LRRC42: variants seen among roughly 807,000 people sequenced by gnomAD.
LRRC42 encodes leucine rich repeat containing 42.
LRRC42 carries 43 observed loss-of-function variants against 44.3 expected under a neutral mutation model. The observed-to-expected ratio is 0.97, with a 90% confidence interval of 0.76 to 1.25. The LOEUF is 1.25. Ranked by LOEUF, LRRC42 falls within the 50% of genes most tolerant of loss-of-function variation. The pLI is 0.00. For missense variants in LRRC42, 540 were observed against 509.1 expected, an observed-to-expected ratio of 1.06 and a Z score of -0.58; for synonymous variants, 207 against 195.2, an observed-to-expected ratio of 1.06 and a Z score of -0.50.
chr1:53,962,107 T>A lies in LRRC42; in HGVS notation c.798T>A (p.Ser266=), dbSNP rs765301565. The A allele has an allele frequency of 2.5e-6, 4 of 1,613,470 alleles. No individual in the cohort carries two copies. The Admixed American group carries it at 6.7e-5, about 27-fold the overall frequency. ...SFRKLNCLDI[S]GTGLKDIKTV... ...GGAAACTAAACTGCTTAGATATCTC[T>A]GGGACAGGGCTCAAGGTAAGACTTT... is the stretch of plus-strand genomic sequence containing the variant. Residue 266 remains serine (S), a synonymous_variant, in exon 6 of 9, where the codon TCT becomes TCA. Transcript: ENST00000371370.
intron 3 of LRRC42, among the ~76,000 whole-genome samples, chr1:53,953,651 G>A (rs1654754781): frequency 1.3e-5 from 2 of 151,892 alleles, no homozygotes; most frequent in Non-Finnish European, 2.9e-5. Flanking sequence ...GAGCCACCAC[G>A]CCTGGCCTAC....
At chr1:53,947,529 G>T (rs558982141) in intron 1 of LRRC42, among the ~76,000 whole-genome samples, 1 of 152,296 alleles carries the variant, frequency 6.6e-6, no homozygotes, top group East Asian at 1.9e-4. Flanking sequence ...TTTCTGTTTA[G>T]GTTTTTATGT....
At position 53,959,756 on chromosome 1, in the gene LRRC42, A is replaced by G. The variant is rs866297779; in HGVS notation, c.606-600A>G. ...TTAGAATGTTTTTGATTTTCACACC[A>G]TTTGTCAGAAAAGCAGCTTTTGTTT... On this transcript the variant is annotated intron_variant, in intron 4 of 8. Transcript: ENST00000371370. Among the ~76,000 whole-genome samples the G allele has an allele frequency of 3.9e-5, 6 of 152,216 alleles. No homozygotes were observed. The South Asian group carries it at 8.3e-4, about 21-fold the overall frequency.
intron 3 of LRRC42, among the ~76,000 whole-genome samples, chr1:53,955,511 T>C (rs1654812503): frequency 6.6e-6 from 1 of 151,892 alleles, no homozygotes; most frequent in Non-Finnish European, 1.5e-5. Context: ...TTGACCAGGC[T>C]GGTTTCGAAC....
intron 2 of LRRC42, chr1:53,948,045 C>G (rs1474533096): frequency 6.6e-6 from 1 of 152,152 alleles, no homozygotes; most frequent in Non-Finnish European, 1.5e-5. Context: ...CTCATAGGAT[C>G]ATTAAAGATT....
intron 1 of LRRC42, among the ~76,000 whole-genome samples, 183 bp downstream of exon 1, chr1:53,946,732 CG>C (rs1291995771): frequency 1.3e-5 from 1 of 79,226 alleles, no homozygotes; most frequent in African/African-American, 4.9e-5. Context: ...CGTAGGGGTG[CG>C]GGGGCAGGCT....
chr1:53,967,345 T>G (rs1263483928), intron 8 of LRRC42, among the ~76,000 whole-genome samples: 1 of 152,236 alleles, frequency 6.6e-6, no homozygotes, highest in African/African-American at 2.4e-5. Context: ...CTCATGTATC[T>G]TCATATCACC....
intron 7 of LRRC42, 101 bp downstream of exon 7, chr1:53,962,510 C>T: frequency 1.3e-6 from 1 of 756,282 alleles, no homozygotes; most frequent in Non-Finnish European, 2.3e-6. Flanking sequence ...CTTGGTAGTC[C>T]TTGGTTAAAT....
At chr1:53,967,113 A>G (rs1241121992) in intron 8 of LRRC42, among the ~76,000 whole-genome samples, 1 of 152,204 alleles carries the variant, frequency 6.6e-6, no homozygotes, top group Non-Finnish European at 1.5e-5. Context: ...TGTATATTTT[A>G]TCATGATTTT....
intron 7 of LRRC42, among the ~76,000 whole-genome samples, chr1:53,962,925 C>G (rs568727600): frequency 1.3e-5 from 2 of 152,238 alleles, no homozygotes; most frequent in African/African-American, 4.8e-5. Context: ...CTTTGACTTC[C>G]TTTTGTCTTG....
intron 3 of LRRC42, among the ~76,000 whole-genome samples, chr1:53,956,999 G>A (rs561983656): frequency 6.6e-6 from 1 of 152,246 alleles, no homozygotes; most frequent in South Asian, 2.1e-4. Flanking sequence ...CGGTCTCCAG[G>A]CACCTTAGGT....
At chr1:53,958,122 C>G (rs759957792) in intron 3 of LRRC42, 27 bp from the exon 4 acceptor site, 9 of 1,612,000 alleles carry the variant, frequency 5.6e-6, no homozygotes, top group South Asian at 4.4e-5. Context: ...TGAGGGGAAG[C>G]TATTGATTGC....
At chr1:53,949,100 C>CA (rs903164960) in intron 2 of LRRC42, among the ~76,000 whole-genome samples, 53 of 152,092 alleles carry the variant, frequency 3.5e-4, no homozygotes, top group Admixed American at 2.6e-3. Context: ...AACAAACAAA[C>CA]AAAAAAACAA....
chr1:53,967,575 C>G, intron 8 of LRRC42, 90 bp from the exon 9 acceptor site: 1 of 1,287,112 alleles, frequency 7.8e-7, no homozygotes. Flanking sequence ...CTGTTTGGGC[C>G]TTTGTCATAT....
At chr1:53,962,503 G>A in intron 7 of LRRC42, 94 bp downstream of exon 7, 1 of 764,698 alleles carries the variant, frequency 1.3e-6, no homozygotes, top group Non-Finnish European at 2.3e-6. Context: ...TAATCCACTT[G>A]GTAGTCCTTG....
At chr1:53,965,558 C>G (rs11206260) in intron 7 of LRRC42, among the ~76,000 whole-genome samples, 1 of 151,100 alleles carries the variant, frequency 6.6e-6, no homozygotes. Context: ...CAGCTCACTG[C>G]AAGCTCTGCC....
chr1:53,962,255 C>A, intron 6 of LRRC42, 41 bp from the exon 7 acceptor site: 1 of 1,524,864 alleles, frequency 6.6e-7, no homozygotes. Flanking sequence ...TAAGAATTAA[C>A]CAAATGTATT....
Position 53,962,096 on chromosome 1 carries a change from T to G in LRRC42, c.787T>G (p.Leu263Val), listed in dbSNP as rs978914794. The change falls in exon 6 of 9, where the codon TTA (leucine) becomes GTA (valine). Residue 263 changes from leucine (L) to valine (V), a missense_variant. Coordinates refer to ENST00000371370, the MANE Select transcript of LRRC42 (RefSeq NM_001256409.2). Reference sequence around the variant, plus strand: ...CTTTTCTTTTAGGAAACTAAACTGCTTAGATATCTCTGGGACAGGGCTCAA... The same window carrying G: ...CTTTTCTTTTAGGAAACTAAACTGCGTAGATATCTCTGGGACAGGGCTCAA... Reference protein sequence around the residue: ...YLFSFRKLNCLDISGTGLKDI... With the variant: ...YLFSFRKLNCVDISGTGLKDI... The G allele has an allele frequency of 6.2e-7, 1 of 1,613,874 alleles. No individual in the cohort carries two copies. The highest frequency in any genetic ancestry group is 8.5e-7 in the Non-Finnish European group (1 of 1,179,772).
At position 53,950,859 on chromosome 1, in the gene LRRC42, G is replaced by A. The variant is rs139821057; in HGVS notation, c.-14-1127G>A. Among the ~76,000 whole-genome samples the A allele has an allele frequency of 3.3e-5, 5 of 152,256 alleles. No homozygotes were observed. The East Asian group carries it at 9.6e-4, about 29-fold the overall frequency. ...GCCCTAATAGAACTTTAATAGATAC[G>A]AAGTTTCCAAAGGCTAGAATAGTTT... On this transcript the variant is annotated intron_variant, in intron 2 of 8. Transcript: ENST00000371370.
Sources: allele counts gnomAD v4.1 joint callset (sites outside exome capture counted in the v4.1 genomes callset), GRCh38; gene constraint gnomAD v4.1.1; transcripts MANE v1.5; gene names NCBI Gene and HGNC (gene_info 2026-07-23, HGNC 2026-07-21).